The following COL5A2 variants were observed in gnomAD, a reference collection of about 807,000 sequenced individuals.
COL5A2 encodes the protein collagen type V alpha 2 chain, also known as collagen alpha-2(V) chain.
Under a neutral mutation model 208.2 loss-of-function variants are expected in COL5A2, and 23 were observed. The observed-to-expected ratio is 0.11, with a 90% CI of 0.08 to 0.16. The LOEUF (loss-of-function observed/expected upper bound fraction) is 0.16, where lower values mean the gene tolerates loss of function less well. Among genes scored for constraint, COL5A2 ranks in the 10% least tolerant of loss-of-function variants. The probability of loss-of-function intolerance (pLI) is 1.00; values close to 1 mark genes in which losing one functional copy is unlikely to be tolerated. For missense variants in COL5A2, 1,590 were observed against 1,956.4 expected, an observed-to-expected ratio of 0.81 and a Z score of 3.53; for synonymous variants, 625 against 628.5, an observed-to-expected ratio of 0.99 and a Z score of 0.08.
At chr2:189,115,850 T>C (rs911063131) in intron 1 of COL5A2, among the ~76,000 whole-genome samples, 6 of 152,228 alleles carry the variant, frequency 3.9e-5, no homozygotes, top group African/African-American at 1.4e-4. Flanking sequence ...TAAGCACTTT[T>C]AGCTCTCTTT....
At chr2:189,301,759 T>A in the COL5A2 span, among the ~76,000 whole-genome samples, 1 of 152,206 alleles carries the variant, frequency 6.6e-6, no homozygotes, top group Admixed American at 6.5e-5. Context: ...TCCACATTTA[T>A]TTGACATATT....
At chr2:189,125,657 T>C (rs1368114809) in intron 1 of COL5A2, among the ~76,000 whole-genome samples, 1 of 152,162 alleles carries the variant, frequency 6.6e-6, no homozygotes, top group Non-Finnish European at 1.5e-5. Flanking sequence ...TCTAGCTTCA[T>C]TTATTGTAAG....
At chr2:189,200,228 T>A (rs1689053718) in intron 1 of COL5A2, among the ~76,000 whole-genome samples, 1 of 152,114 alleles carries the variant, frequency 6.6e-6, no homozygotes, top group African/African-American at 2.4e-5. Flanking sequence ...ACTAAACAAC[T>A]AATCCAAATT....
chr2:189,060,828 T>C (rs370431254), intron 30 of COL5A2, 45 bp from the exon 31 acceptor site: 74 of 1,416,276 alleles, frequency 5.2e-5, no homozygotes, highest in Non-Finnish European at 5.6e-5. Flanking sequence ...TGTGTAAGTT[T>C]AACAGGCTAC....
the COL5A2 span, among the ~76,000 whole-genome samples, chr2:189,271,408 A>G: frequency 2.6e-5 from 4 of 152,198 alleles, no homozygotes; most frequent in African/African-American, 9.6e-5. Flanking sequence ...GCAATGGGGA[A>G]AGGATTCCCT....
the COL5A2 span, among the ~76,000 whole-genome samples, chr2:189,315,281 T>A: frequency 6.6e-6 from 1 of 152,248 alleles, no homozygotes; most frequent in Admixed American, 6.5e-5. Context: ...TGGTTCAATA[T>A]ACACAAGTCA....
intron 12 of COL5A2, 47 bp from the exon 13 acceptor site, chr2:189,081,090 T>C: frequency 6.7e-7 from 1 of 1,502,754 alleles, no homozygotes; most frequent in Non-Finnish European, 9.3e-7. Flanking sequence ...TTAATAAGGA[T>C]GCAAAATTCC....
intron 1 of COL5A2, among the ~76,000 whole-genome samples, chr2:189,216,590 T>A (rs1252939237): frequency 6.6e-6 from 1 of 152,040 alleles, no homozygotes; most frequent in South Asian, 2.1e-4. Flanking sequence ...AGCAGTCACA[T>A]TGGAGGGCAG....
At chr2:189,138,974 G>T (rs1246869119) in intron 1 of COL5A2, among the ~76,000 whole-genome samples, 2 of 152,158 alleles carry the variant, frequency 1.3e-5, no homozygotes. Flanking sequence ...CCCTTTAAAA[G>T]TTGAAGAGTA....
the COL5A2 span, among the ~76,000 whole-genome samples, chr2:189,327,582 G>C: frequency 6.6e-6 from 1 of 152,150 alleles, no homozygotes; most frequent in Admixed American, 6.5e-5. Context: ...CTTCCTTTTG[G>C]TGCATTAAAT....
the COL5A2 span, among the ~76,000 whole-genome samples, chr2:189,418,489 C>A: frequency 0.56 from 85,875 of 152,004 alleles, 26,065 homozygotes; most frequent in East Asian, 0.69. Context: ...GCTGAGTATA[C>A]TATTCCAACT....
intron 18 of COL5A2, among the ~76,000 whole-genome samples, chr2:189,071,614 T>C (rs1686275907): frequency 6.6e-6 from 1 of 152,100 alleles, no homozygotes. Flanking sequence ...TAGGTGAAAA[T>C]GTTAGATGCC....
chr2:189,088,880 CTGAGAATCATTCTA>C (rs2105658796), intron 7 of COL5A2, 108 bp from the exon 8 acceptor site: 1 of 896,982 alleles, frequency 1.1e-6, no homozygotes, highest in East Asian at 2.5e-5. Flanking sequence ...AATGACTCTT[CTGAGAATCATTCTA>C]AGTGCTTGAC....
At chr2:189,109,609 T>C (rs1446210205) in intron 2 of COL5A2, among the ~76,000 whole-genome samples, 2 of 152,214 alleles carry the variant, frequency 1.3e-5, no homozygotes, top group African/African-American at 4.8e-5. Context: ...ACATGTATCT[T>C]TAAAATATGT....
chr2:189,183,605 C>T (rs1201393820), upstream of COL5A2, among the ~76,000 whole-genome samples: 5 of 152,112 alleles, frequency 3.3e-5, no homozygotes, highest in African/African-American at 1.2e-4. Flanking sequence ...AACACTACCA[C>T]CACCATCTTA....
the COL5A2 span, among the ~76,000 whole-genome samples, chr2:189,409,344 T>G: frequency 6.6e-6 from 1 of 151,710 alleles, no homozygotes; most frequent in African/African-American, 2.4e-5. Flanking sequence ...CCTGAGTAAC[T>G]GTGACTACAG....
intron 1 of COL5A2, among the ~76,000 whole-genome samples, chr2:189,216,658 T>A (rs1689282748): frequency 6.6e-6 from 1 of 151,760 alleles, no homozygotes; most frequent in Admixed American, 6.6e-5. Flanking sequence ...AGTTCAGGAG[T>A]CAAGCAAATC....
chr2:189,082,525 G>A lies in COL5A2; in HGVS notation c.852+1459C>T, dbSNP rs1164914025. ...GGCAACTTAGTGCAGACCCGTCTAA[G>A]CCTATAGGGGAATTGCTGAGCTATG... On this transcript the variant is annotated intron_variant, in intron 12 of 53. Transcript: ENST00000374866. Among the ~76,000 whole-genome samples, 14 of 152,186 alleles carry A rather than the reference G, an allele frequency of 9.2e-5. 1 individual carries two copies. Among genetic ancestry groups the A allele is most frequent in the Admixed American group, 9.2e-4 (14 of 15,286 alleles).
intron 7 of COL5A2, among the ~76,000 whole-genome samples, chr2:189,089,487 A>T (rs2105660440): frequency 6.6e-6 from 1 of 152,300 alleles, no homozygotes; most frequent in Non-Finnish European, 1.5e-5. Flanking sequence ...TGTTGAGAAA[A>T]ATGTGTATGA....
Sources: allele counts gnomAD v4.1 joint callset (sites outside exome capture counted in the v4.1 genomes callset), GRCh38; gene constraint gnomAD v4.1.1; transcripts MANE v1.5; gene names NCBI Gene and HGNC (gene_info 2026-07-23, HGNC 2026-07-21).